Variants in ACAP3 observed in about 807,000 individuals in gnomAD.
ACAP3 encodes ArfGAP with coiled-coil, ankyrin repeat and PH domains 3.
A neutral mutation model predicts 104.1 loss-of-function variants in ACAP3; 56 were observed. That is an observed-to-expected ratio of 0.54 (90% CI 0.43 to 0.67). ACAP3 has a LOEUF of 0.67. Among genes scored for constraint, ACAP3 ranks in the 30% least tolerant of loss-of-function variants. The probability of loss-of-function intolerance (pLI) is 0.00; values close to 1 mark genes in which losing one functional copy is unlikely to be tolerated. For synonymous variants in ACAP3, 628 were observed against 496.2 expected (o/e 1.27, Z -3.53); for missense variants, 1,208 against 1,174.9 (o/e 1.03, Z -0.41).
At chr1:1,296,156 C>G in intron 16 of ACAP3, 47 bp from the exon 17 acceptor site, 1 of 1,607,628 alleles carries the variant, frequency 6.2e-7, no homozygotes, top group Non-Finnish European at 8.5e-7. Context: ...CCTGCAGACC[C>G]CAGCTCCCGC....
chr1:1,305,478 G>C (rs1277229209), intron 1 of ACAP3: 2 of 152,384 alleles, frequency 1.3e-5, no homozygotes, highest in Admixed American at 6.5e-5. Context: ...GCTGCACCCA[G>C]AGCTGCCGCC....
Position 1,293,598 on chromosome 1 carries a change from TG to T in ACAP3, c.2470del (p.Gln824ArgfsTer71). The T allele has an allele frequency of 6.7e-7, 1 of 1,482,142 alleles. No individual in the cohort carries two copies. Among genetic ancestry groups the T allele is most frequent in the Non-Finnish European group, 8.9e-7 (1 of 1,118,958 alleles). 91.8% of individuals were successfully genotyped at this position (1,482,142 alleles called of 1,614,324 possible). A position where few individuals can be genotyped will look rare whatever the true frequency, so the allele number is the denominator to read the frequency against. ...TTCCAGGTGGAGGCTGATGAACTCCTGGATACACCTGCGGAACTGGAGCTCC... is the reference window on the plus strand; with the variant it reads ...TTCCAGGTGGAGGCTGATGAACTCCTGATACACCTGCGGAACTGGAGCTCC... The part of the protein sequence containing the change: ...PTELQFRRCI[Q>X]EFISLHLEES On this transcript the variant is annotated frameshift_variant, in exon 24 of 24. Coordinates refer to ENST00000354700, the MANE Select transcript of ACAP3 (RefSeq NM_030649.3). LOFTEE classifies it high-confidence loss of function.
chr1:1,307,786 C>A lies in ACAP3; in HGVS notation c.30G>T (p.Lys10Asn). Residue 10 changes from lysine (K) to asparagine (N), a missense_variant, in exon 1 of 24, where the codon AAG (lysine) becomes AAT (asparagine). Physicochemically the swap from Lys to Asn is moderately conservative, Grantham distance 94. Transcript: ENST00000354700. ...CGGCGCACCTGAAGCGCGGGGAGTC[C>A]TTGACGCACTCCTCGAACTCCACGG... MTVEFEECV[K>N]DSPRFRATID... 6 of 1,089,288 alleles carry A rather than the reference C, an allele frequency of 5.5e-6. No homozygotes were observed. The highest frequency in any genetic ancestry group is 5.6e-6 in the Non-Finnish European group (5 of 896,894). 67.5% of individuals were successfully genotyped at this position (1,089,288 alleles called of 1,614,324 possible).
rs72896223 is a variant in ACAP3, at chr1:1,298,051, G to A, written c.978C>T (p.Ile326=). 552 of 1,611,536 alleles carry A rather than the reference G, an allele frequency of 3.4e-4. 4 individuals are homozygous for A. The African/African-American group carries it at 3.6e-3, about 10-fold the overall frequency. ...GCACCTCGAAGCAGAACCTCCGCTCGATGTCCTCACACGGCTTCACAGAGC... is the reference window on the plus strand; with the variant it reads ...GCACCTCGAAGCAGAACCTCCGCTCAATGTCCTCACACGGCTTCACAGAGC... ...RLCSVKPCED[I]ERRFCFEVLS... The change falls in exon 13 of 24, where the codon ATC becomes ATT. Residue 326 remains isoleucine (I), a synonymous_variant. Coordinates refer to ENST00000354700, the MANE Select transcript of ACAP3 (RefSeq NM_030649.3).
Position 1,293,725 on chromosome 1 carries a change from C to T in ACAP3, c.2361-17G>A, listed in dbSNP as rs921929771. 44 of 870,220 alleles carry T rather than the reference C, an allele frequency of 5.1e-5. No individual in the cohort carries two copies. The highest frequency in any genetic ancestry group is 2.8e-5 in the Non-Finnish European group (21 of 760,512). The allele number at this position is 870,220 out of a possible 1,614,324, so 53.9% of individuals were successfully genotyped here. A position where few individuals can be genotyped will look rare whatever the true frequency, so the allele number is the denominator to read the frequency against. On this transcript the variant is annotated splice_polypyrimidine_tract_variant and intron_variant, in intron 23 of 23. Transcript: ENST00000354700. ...AGACGGAGCCTACGGGGAGGCACAGCGTGAGACGCCCCTGCCCTGGAGGCC... is the reference window on the plus strand; with the variant it reads ...AGACGGAGCCTACGGGGAGGCACAGTGTGAGACGCCCCTGCCCTGGAGGCC...
intron 1 of ACAP3, chr1:1,307,394 G>A (rs764739946): frequency 5.4e-6 from 7 of 1,290,896 alleles, no homozygotes; most frequent in South Asian, 3.7e-5. Context: ...CTGGACACAG[G>A]ATCAAGTCAG....
intron 6 of ACAP3, 25 bp from the exon 7 acceptor site, chr1:1,300,227 G>C (rs746350616): frequency 1.3e-6 from 2 of 1,584,262 alleles, no homozygotes; most frequent in Admixed American, 1.8e-5. Flanking sequence ...GCCCACAGGT[G>C]AGCCCCGGAG....
intron 10 of ACAP3, chr1:1,299,113 G>A (rs1641328334): frequency 2.0e-5 from 12 of 596,144 alleles, no homozygotes; most frequent in South Asian, 1.9e-4. Flanking sequence ...GGGGAGGGGC[G>A]GCCACCTGCT....
Position 1,303,969 on chromosome 1 carries a change from C to T in ACAP3, c.105+117G>A. 1 of 1,242,664 alleles carries T rather than the reference C, an allele frequency of 8.0e-7. No individual in the cohort carries two copies. The highest frequency in any genetic ancestry group is 2.5e-5 in the East Asian group (1 of 39,428). 77.0% of individuals were successfully genotyped at this position (1,242,664 alleles called of 1,614,324 possible). A position where few individuals can be genotyped will look rare whatever the true frequency, so the allele number is the denominator to read the frequency against. ...ACAGGGACCAGGACCTGGAGCACCA[C>T]ACGCATGCTCCACATATGGGGGGTG... On this transcript the variant is annotated intron_variant, in intron 2 of 23. Transcript: ENST00000354700. The surrounding 1 kb of genome is among the most constrained non-coding windows in gnomAD (Gnocchi z 4.0).
intron 10 of ACAP3, chr1:1,299,133 A>G: frequency 1.6e-6 from 1 of 644,292 alleles, no homozygotes; most frequent in Non-Finnish European, 2.7e-6. Context: ...TCCCCAGGCC[A>G]CATGGGATGG....
At position 1,302,049 on chromosome 1, in the gene ACAP3, G is replaced by A; in HGVS notation, c.280-3C>T. 1.3e-6 allele frequency: 2 copies of A among 1,542,124 alleles called. No individual in the cohort carries two copies. Among genetic ancestry groups the A allele is most frequent in the Non-Finnish European group, 8.8e-7 (1 of 1,139,994 alleles). ...CTCTGGGCCTGGTCAAACAGGATCT[G>A]GGGGCAGAGGCGGGCAGAGATCCTT... On this transcript the variant is annotated splice_polypyrimidine_tract_variant and splice_region_variant and intron_variant, in intron 4 of 23. Transcript: ENST00000354700.
chr1:1,301,924 C>G (rs1440817810), intron 5 of ACAP3, 64 bp downstream of exon 5: 2 of 1,447,044 alleles, frequency 1.4e-6, no homozygotes, highest in Non-Finnish European at 1.8e-6. Context: ...CCCCAGACCC[C>G]CTTCCCCTCC....
rs1480962066 is a variant in ACAP3 at position 1,303,270 on chromosome 1, C to G, written c.117G>C (p.Leu39=). Residue 39 remains leucine, a synonymous_variant, in exon 3 of 24, where the codon CTG becomes CTC. Transcript: ENST00000354700. The surrounding 1 kb of genome is among the most constrained non-coding windows in gnomAD (Gnocchi z 4.0). The part of the protein sequence containing the change: ...IEAKLDKLVK[L]CSGMVEAGKA... Reference sequence around the variant, plus strand: ...TACCGGCTTCCACCATGCCACTGCACAGCTTCACCAGCTGTGGGCCAGCGG... The same window carrying G: ...TACCGGCTTCCACCATGCCACTGCAGAGCTTCACCAGCTGTGGGCCAGCGG... The G allele has an allele frequency of 6.3e-7, 1 of 1,587,230 alleles. No homozygotes were observed. Among genetic ancestry groups the G allele is most frequent in the East Asian group, 2.3e-5 (1 of 43,586 alleles).
Position 1,298,391 on chromosome 1 carries a change from C to G in ACAP3, c.894G>C (p.Leu298=). The G allele has an allele frequency of 6.2e-7, 1 of 1,603,182 alleles. No individual in the cohort carries two copies. Among genetic ancestry groups the G allele is most frequent in the Non-Finnish European group, 8.5e-7 (1 of 1,174,904 alleles). The change falls in exon 12 of 24, where the codon CTG becomes CTC. Residue 298 remains leucine (L), a synonymous_variant. Transcript: ENST00000354700. ...RRWFSIQNSQ[L]VYQKKLKDAL... is the part of the protein sequence containing the mutation. ...ACACCTTGAGCTTCTTCTGGTAGAC[C>G]AGCTGGCTGTTCTGAATGGAGAACC...
Position 1,294,555 on chromosome 1 carries a change from G to C in ACAP3, c.1986C>G (p.Asp662Glu). 1 of 1,501,216 alleles carries C rather than the reference G, an allele frequency of 6.7e-7. No homozygotes were observed. The highest frequency in any genetic ancestry group is 1.4e-5 in the African/African-American group (1 of 69,414). 93.0% of individuals were successfully genotyped at this position (1,501,216 alleles called of 1,614,324 possible). Residue 662 changes from aspartate (D) to glutamate (E), a missense_variant, in exon 21 of 24, where the codon GAC (aspartate) becomes GAG (glutamate). By Grantham distance (45) the Asp-to-Glu change is conservative. Coordinates refer to ENST00000354700, the MANE Select transcript of ACAP3 (RefSeq NM_030649.3). The stretch of plus-strand genomic sequence containing the variant: ...AGAGCCCCGGGTGCAGCTCGCGCAC[G>C]TCCGCCAGGCCCCAGGCCTCGGCCT... Reference protein sequence around the residue: ...DTEAEAWGLADVRELHPGLLA... With the variant: ...DTEAEAWGLAEVRELHPGLLA...
intron 1 of ACAP3, chr1:1,307,248 C>G (rs553316251): frequency 7.8e-7 from 1 of 1,288,004 alleles, no homozygotes; most frequent in African/African-American, 1.5e-5. Flanking sequence ...CCCCTACCCC[C>G]TACCTGACCT....
chr1:1,301,018 C>T (rs971558624), intron 5 of ACAP3, among the ~76,000 whole-genome samples: 3 of 152,156 alleles, frequency 2.0e-5, no homozygotes, highest in Admixed American at 6.5e-5. Context: ...TCACCCACCT[C>T]GGTCTCCCAA....
chr1:1,298,855 A>G, intron 10 of ACAP3, 176 bp from the exon 11 acceptor site: 2 of 611,194 alleles, frequency 3.3e-6, no homozygotes. Flanking sequence ...GACCTGAGCA[A>G]GGCCCCCAGC....
In ACAP3 at chr1:1,298,678, T is replaced by G; in HGVS notation, c.752A>C (p.Asp251Ala). The change falls in exon 11 of 24, where the codon GAC becomes GCC. Residue 251 changes from aspartate to alanine, a missense_variant and splice_region_variant. Coordinates refer to ENST00000354700, the MANE Select transcript of ACAP3 (RefSeq NM_030649.3). Reference protein sequence around the residue: ...AAIQQRTLLQDFSYDESKVEF... With the variant: ...AAIQQRTLLQAFSYDESKVEF... ...CACTTTGGACTCATCGTAGGAGAAG[T>G]CCTGGGGGGATGGAACCCGCCCCCT... The G allele has an allele frequency of 6.2e-7, 1 of 1,611,654 alleles. No homozygotes were observed.
Sources: allele counts gnomAD v4.1 joint callset (sites outside exome capture counted in the v4.1 genomes callset), GRCh38; gene constraint gnomAD v4.1.1; non-coding constraint Gnocchi (gnomAD v3.1); transcripts MANE v1.5; gene names NCBI Gene and HGNC (gene_info 2026-07-23, HGNC 2026-07-21).